GNB5: variants seen among roughly 807,000 people sequenced by gnomAD.
GNB5 encodes the protein G protein subunit beta 5, also known as guanine nucleotide-binding protein subunit beta-5.
GNB5 carries 37 observed loss-of-function variants against 55.3 expected under a neutral mutation model. The observed-to-expected ratio is 0.67, with a 90% CI of 0.51 to 0.88. GNB5 has a LOEUF of 0.88. Among genes scored for constraint, GNB5 ranks in the 40% least tolerant of loss-of-function variants. The pLI is 0.00. For missense variants in GNB5, 476 were observed against 515.3 expected (o/e 0.92, Z 0.74); for synonymous variants, 219 against 198.5 (o/e 1.10, Z -0.87).
intron 1 of GNB5, among the ~76,000 whole-genome samples, chr15:52,187,967 AAAAT>A (rs1354127330): frequency 1.3e-5 from 2 of 150,864 alleles, no homozygotes; most frequent in African/African-American, 4.9e-5. Context: ...TTAAAAATTA[AAAAT>A]AAATAAATAA....
At chr15:52,162,186 C>G (rs78998363) in intron 3 of GNB5, among the ~76,000 whole-genome samples, 1 of 152,148 alleles carries the variant, frequency 6.6e-6, no homozygotes, top group Non-Finnish European at 1.5e-5. Context: ...CTCCTCGGAG[C>G]CTGCACCCTG....
chr15:52,179,873 T>C lies in GNB5; in HGVS notation c.133A>G (p.Thr45Ala), dbSNP rs1253337393. 1.9e-6 allele frequency: 3 copies of C among 1,542,056 alleles called. No homozygotes were observed. In the African/African-American group the frequency reaches 4.3e-5, roughly 22 times the overall value. ...YCSTCAEIMA[T>A]EGLHENETLA... The stretch of plus-strand genomic sequence containing the variant: ...GTCTCGTTCTCGTGCAGCCCCTCGG[T>C]TGCCATCTTCGCGCGGGGACGCAGC... The change falls in exon 3 of 13, where the codon ACC becomes GCC. Residue 45 changes from threonine to alanine, a missense_variant. Physicochemically the swap from Thr to Ala is moderately conservative, Grantham distance 58 (BLOSUM62 0). Coordinates refer to ENST00000261837, the MANE Select transcript of GNB5 (RefSeq NM_016194.4).
At position 52,119,454 on chromosome 15, in the gene GNB5, G is replaced by A. The variant is rs2033214369; in HGVS notation, c.*3303C>T. The stretch of plus-strand genomic sequence containing the variant: ...GGAGGAGATGGGAGGGAGGGAGGAG[G>A]AGATGGGAGGGAGGGAGGGGGAAAT... On this transcript the variant is annotated 3_prime_UTR_variant, in exon 13 of 13. Transcript: ENST00000261837. 1.2e-5 allele frequency: 1 copy of A among 83,830 alleles called. No individual in the cohort carries two copies. The highest frequency in any genetic ancestry group is 4.7e-5 in the African/African-American group (1 of 21,090). The allele number at this position is 83,830 out of a possible 1,614,324, so 5.2% of individuals were successfully genotyped here.
chr15:52,123,792 C>G (rs2033339850), intron 12 of GNB5, among the ~76,000 whole-genome samples: 1 of 152,054 alleles, frequency 6.6e-6, no homozygotes, highest in South Asian at 2.1e-4. Flanking sequence ...ATCCGCCTGA[C>G]TTGGCCTCCC....
At chr15:52,135,924 GA>G (rs2033696709) in intron 7 of GNB5, 168 bp from the exon 8 acceptor site, 3 of 581,422 alleles carry the variant, frequency 5.2e-6, no homozygotes, top group Non-Finnish European at 8.5e-6. Flanking sequence ...TTCATGCACA[GA>G]AATCTCTCTC....
intron 7 of GNB5, chr15:52,138,049 C>G: frequency 1.1e-6 from 1 of 872,044 alleles, no homozygotes; most frequent in East Asian, 6.2e-5. Context: ...GATCTCTCCT[C>G]CTCACCCTTT....
chr15:52,148,276 A>AGCCT (rs199898567), intron 5 of GNB5, among the ~76,000 whole-genome samples: 2,456 of 152,288 alleles, frequency 0.016, 74 homozygotes, highest in African/African-American at 0.056. Flanking sequence ...AATCTGCAAG[A>AGCCT]GCCTGTGTCC....
chr15:52,168,775 C>A (rs1422726804), intron 3 of GNB5, among the ~76,000 whole-genome samples: 1 of 152,122 alleles, frequency 6.6e-6, no homozygotes, highest in Non-Finnish European at 1.5e-5. Context: ...AACAGACACA[C>A]AGACCAATGG....
Position 52,170,796 on chromosome 15 carries a change from T to C in GNB5, c.238+8972A>G, listed in dbSNP as rs146363860. On this transcript the variant is annotated intron_variant, in intron 3 of 12. Coordinates refer to ENST00000261837, the MANE Select transcript of GNB5 (RefSeq NM_016194.4). The stretch of plus-strand genomic sequence containing the variant: ...TATCTCACTTGTATTTGTCAGAGAT[T>C]TGTGAATTGCCTTAAAAAAATTCAT... 5.2e-3 allele frequency among the ~76,000 whole-genome samples: 791 copies of C among 152,014 alleles called. 6 individuals are homozygous for C. The highest frequency in any genetic ancestry group is 0.019 in the African/African-American group (772 of 41,460).
intron 2 of GNB5, chr15:52,180,333 C>G (rs2034747724): frequency 6.5e-6 from 1 of 152,890 alleles, no homozygotes; most frequent in Non-Finnish European, 1.5e-5. Flanking sequence ...TGATTGCGGG[C>G]TGCGGGCCCG....
At chr15:52,144,111 G>T (rs550235942) in intron 6 of GNB5, 3 of 152,224 alleles carry the variant, frequency 2.0e-5, no homozygotes, top group Non-Finnish European at 4.4e-5. Context: ...TCTGCACCAC[G>T]CTGAGTCACC....
intron 3 of GNB5, among the ~76,000 whole-genome samples, chr15:52,173,873 C>A (rs2034597879): frequency 6.6e-6 from 1 of 152,144 alleles, no homozygotes; most frequent in African/African-American, 2.4e-5. Context: ...GCAGGGGAAC[C>A]CTCCTGATCT....
intron 3 of GNB5, among the ~76,000 whole-genome samples, chr15:52,163,546 T>C (rs1270227750): frequency 6.6e-6 from 1 of 152,204 alleles, no homozygotes; most frequent in African/African-American, 2.4e-5. Context: ...CATCCTGGCC[T>C]GCCAGCTCCT....
intron 1 of GNB5, among the ~76,000 whole-genome samples, chr15:52,185,753 TTTA>T (rs9302164): frequency 0.071 from 9,659 of 136,566 alleles, 444 homozygotes; most frequent in African/African-American, 0.13. Flanking sequence ...TATTCATCTT[TTTA>T]TTATTATTAT....
At chr15:52,183,340 G>GC (rs1475765666) in intron 2 of GNB5, among the ~76,000 whole-genome samples, 1 of 151,542 alleles carries the variant, frequency 6.6e-6, no homozygotes. Flanking sequence ...TAATGGGGGG[G>GC]GGGTAAGGCC....
At chr15:52,157,533 C>T (rs558748037) in intron 3 of GNB5, among the ~76,000 whole-genome samples, 5 of 152,210 alleles carry the variant, frequency 3.3e-5, no homozygotes, top group East Asian at 1.9e-4. Flanking sequence ...AGTGAGCCAC[C>T]GCGCCCAGCC....
At chr15:52,178,911 C>A (rs906335198) in intron 3 of GNB5, among the ~76,000 whole-genome samples, 2 of 152,204 alleles carry the variant, frequency 1.3e-5, no homozygotes, top group African/African-American at 4.8e-5. Flanking sequence ...GGAGATGCCA[C>A]CCTCAGAGCT....
chr15:52,124,005 C>CAA (rs56008657), intron 12 of GNB5, among the ~76,000 whole-genome samples: 903 of 84,284 alleles, frequency 0.011, 7 homozygotes, highest in African/African-American at 0.034. Context: ...ATAGAAAAAC[C>CAA]AAAAAAAAAA....
chr15:52,143,448 C>T (rs2033902316), intron 6 of GNB5, among the ~76,000 whole-genome samples: 1 of 152,204 alleles, frequency 6.6e-6, no homozygotes, highest in Admixed American at 6.5e-5. Flanking sequence ...TCCAGTATGA[C>T]ACCTGGCCCA....
Sources: gnomAD v4.1 joint callset for allele counts (sites outside exome capture counted in the v4.1 genomes callset) on GRCh38, gnomAD v4.1.1 for gene constraint, MANE v1.5 for transcripts, NCBI Gene and HGNC (gene_info 2026-07-23, HGNC 2026-07-21) for gene names.